The following PCDHA7 variants were observed in gnomAD, a reference collection of about 807,000 sequenced individuals.
PCDHA7 encodes protocadherin alpha 7, also known as protocadherin alpha-7.
In PCDHA7, 37 loss-of-function variants were observed where a neutral mutation model predicts 57.2. The ratio of observed to expected loss-of-function variants is 0.65; its 90% CI spans 0.50 to 0.85. The LOEUF (loss-of-function observed/expected upper bound fraction) is 0.85, where lower values mean the gene tolerates loss of function less well. Ranked by LOEUF, PCDHA7 falls within the 40% of genes least tolerant of loss-of-function variation. The pLI is 0.00. For missense variants in PCDHA7, 1,188 were observed against 1,241.8 expected (o/e 0.96, Z 0.65); for synonymous variants, 553 against 558.8 (o/e 0.99, Z 0.15).
intron 1 of PCDHA7, among the ~76,000 whole-genome samples, chr5:140,893,546 A>T (rs765690335): frequency 2.0e-5 from 3 of 152,210 alleles, no homozygotes; most frequent in Non-Finnish European, 4.4e-5. Context: ...TGTAGGACTT[A>T]TCTAGTTGTA....
At chr5:140,874,713 T>C (rs976044407) in intron 1 of PCDHA7, among the ~76,000 whole-genome samples, 2 of 152,248 alleles carry the variant, frequency 1.3e-5, no homozygotes, top group Non-Finnish European at 1.5e-5. Context: ...AGAGCAGTTA[T>C]GTGAAAAGTT....
chr5:140,860,649 A>T (rs1256237065), intron 1 of PCDHA7: 2 of 152,282 alleles, frequency 1.3e-5, no homozygotes, highest in Non-Finnish European at 2.9e-5. Context: ...GAAGAAGATA[A>T]GTGAAATAAT....
At chr5:140,884,258 A>G (rs782780491) in intron 1 of PCDHA7, 1 of 1,613,390 alleles carries the variant, frequency 6.2e-7, no homozygotes, top group South Asian at 1.1e-5. Flanking sequence ...GGCCACGGCA[A>G]CGGTGCTGTT....
Position 140,850,461 on chromosome 5 carries a change from G to T in PCDHA7, c.2355+13723G>T. Reference sequence around the variant, plus strand: ...ACTGGTGCTGGTGAAAGACCACGGGGAGCCAGCGCTGACGGCCACGGCCAC... The same window carrying T: ...ACTGGTGCTGGTGAAAGACCACGGGTAGCCAGCGCTGACGGCCACGGCCAC... On this transcript the variant is annotated intron_variant, in intron 1 of 3. Transcript: ENST00000525929. The T allele has an allele frequency of 1.9e-6, 3 of 1,598,002 alleles. No individual in the cohort carries two copies. The East Asian group carries it at 6.7e-5, about 36-fold the overall frequency.
At chr5:140,989,747 G>A (rs1554251066) in intron 3 of PCDHA7, among the ~76,000 whole-genome samples, 1 of 152,166 alleles carries the variant, frequency 6.6e-6, no homozygotes, top group African/African-American at 2.4e-5. Flanking sequence ...TGCCTAATCT[G>A]GAGAAACATA....
At chr5:140,955,470 G>C (rs1459601597) in intron 1 of PCDHA7, among the ~76,000 whole-genome samples, 2 of 151,850 alleles carry the variant, frequency 1.3e-5, no homozygotes, top group African/African-American at 4.8e-5. Context: ...CTTTTTGCTT[G>C]GCACCTCTCC....
chr5:140,898,653 G>A (rs1321472129), intron 1 of PCDHA7, among the ~76,000 whole-genome samples: 1 of 152,202 alleles, frequency 6.6e-6, no homozygotes, highest in Non-Finnish European at 1.5e-5. Context: ...TTTTGGCTTA[G>A]GATTGACTTG....
At position 140,851,351 on chromosome 5, in the gene PCDHA7, G is replaced by A. The variant is rs2042034892; in HGVS notation, c.2355+14613G>A. ...GTAGTTCTCTACATTTCTCTGGATG[G>A]AGACTGTGAACATCTGATTGTTCAG... is the stretch of plus-strand genomic sequence containing the variant. On this transcript the variant is annotated intron_variant, in intron 1 of 3. Coordinates refer to ENST00000525929, the MANE Select transcript of PCDHA7 (RefSeq NM_018910.3). The A allele has an allele frequency of 7.2e-6, 7 of 975,904 alleles. 1 individual carries two copies. Among genetic ancestry groups the A allele is most frequent in the Non-Finnish European group, 8.7e-6 (7 of 803,048 alleles). The allele number at this position is 975,904 out of a possible 1,614,324, so 60.5% of individuals were successfully genotyped here. A position where few individuals can be genotyped will look rare whatever the true frequency, so the allele number is the denominator to read the frequency against.
intron 1 of PCDHA7, chr5:140,968,554 A>G (rs782240700): frequency 1.9e-6 from 3 of 1,614,162 alleles, no homozygotes; most frequent in Non-Finnish European, 2.5e-6. Context: ...TGGTGCCTCG[A>G]ACTGCCCCTG....
intron 1 of PCDHA7, among the ~76,000 whole-genome samples, chr5:140,847,151 G>C (rs1780878525): frequency 6.7e-6 from 1 of 149,540 alleles, no homozygotes; most frequent in Non-Finnish European, 1.5e-5. Flanking sequence ...AAGATCTCTT[G>C]ATTTCTGAGT....
intron 1 of PCDHA7, among the ~76,000 whole-genome samples, chr5:140,918,314 A>G (rs2078635890): frequency 1.3e-5 from 2 of 152,138 alleles, no homozygotes; most frequent in Admixed American, 1.3e-4. Context: ...TTTTCTAGGT[A>G]TAAAATTATA....
intron 1 of PCDHA7, chr5:140,857,288 C>A (rs782208845): frequency 2.5e-6 from 4 of 1,598,652 alleles, no homozygotes; most frequent in East Asian, 4.5e-5. Context: ...CGCTCTGGAC[C>A]GCGAGAGGGT....
chr5:140,851,824 T>C (rs1336167909), intron 1 of PCDHA7: 1 of 964,578 alleles, frequency 1.0e-6, no homozygotes, highest in Non-Finnish European at 1.3e-6. Context: ...CAGAAATCTG[T>C]TTTTTTAAAA....
At chr5:140,850,482 G>A (rs2150486061) in intron 1 of PCDHA7, 3 of 1,598,110 alleles carry the variant, frequency 1.9e-6, no homozygotes, top group Non-Finnish European at 2.6e-6. Context: ...GACGGCCACG[G>A]CCACTGTGCT....
intron 1 of PCDHA7, among the ~76,000 whole-genome samples, chr5:140,975,809 TA>T (rs146252033): frequency 0.06 from 9,090 of 152,310 alleles, 381 homozygotes; most frequent in East Asian, 0.11. Context: ...TTTATAATTT[TA>T]ATAGGAACTG....
intron 1 of PCDHA7, chr5:140,869,787 G>A (rs1554163463): frequency 3.1e-6 from 5 of 1,612,888 alleles, no homozygotes; most frequent in Middle Eastern, 1.6e-4. Flanking sequence ...CCGTTCGGCT[G>A]TTAGTCCAAG....
intron 1 of PCDHA7, chr5:140,875,516 T>C: frequency 6.2e-7 from 1 of 1,613,976 alleles, no homozygotes; most frequent in Non-Finnish European, 8.5e-7. Context: ...CAGCGTCTGC[T>C]GCTCTCGCTT....
At chr5:140,956,953 C>T (rs1347983778) in intron 1 of PCDHA7, among the ~76,000 whole-genome samples, 1 of 135,202 alleles carries the variant, frequency 7.4e-6, no homozygotes, top group Non-Finnish European at 1.7e-5. Flanking sequence ...CATTAAAACA[C>T]TGTAATTAAT....
chr5:140,927,997 C>T (rs139322203), intron 1 of PCDHA7: 298 of 1,614,182 alleles, frequency 1.8e-4, no homozygotes, highest in Admixed American at 5.8e-4. Context: ...GGATGAAGAC[C>T]TCGATTCTAA....
Sources: allele counts gnomAD v4.1 joint callset (sites outside exome capture counted in the v4.1 genomes callset), GRCh38; gene constraint gnomAD v4.1.1; transcripts MANE v1.5; gene names NCBI Gene and HGNC (gene_info 2026-07-23, HGNC 2026-07-21).